Variants in PRDM11 observed in about 807,000 individuals in gnomAD.
The protein encoded by PRDM11 is PR domain-containing protein 11.
PRDM11 carries 20 observed loss-of-function variants against 97.8 expected under a neutral mutation model. The observed-to-expected ratio is 0.20, with a 90% CI of 0.14 to 0.30. PRDM11 has a LOEUF of 0.30. PRDM11 is among the 10% of genes least tolerant of loss of function. The pLI, the probability that PRDM11 is intolerant of heterozygous loss-of-function variation, is 1.00. For missense variants in PRDM11, 1,139 were observed against 1,555.2 expected (o/e 0.73, Z 4.50); for synonymous variants, 599 against 637.7 (o/e 0.94, Z 0.91).
Position 45,227,933 on chromosome 11 carries a change from G to C in PRDM11, c.3308G>C (p.Arg1103Pro). The stretch of plus-strand genomic sequence containing the variant: ...CTCCAGCGAGTTCGCAAAAACCACC[G>C]CTCCCGCCTGACCCTGGAGCAGCTT... Reference protein sequence around the residue: ...NALQRVRKNHRSRLTLEQLSD... With the variant: ...NALQRVRKNHPSRLTLEQLSD... The change falls in exon 8 of 8, where the codon CGC becomes CCC. Residue 1103 changes from arginine to proline, a missense_variant. Arg to Pro is a moderately radical substitution (Grantham distance 103). Transcript: ENST00000683152. This position sits in a 1 kb window ranked among gnomAD's most constrained non-coding sequence, Gnocchi z 8.0. 6.5e-7 allele frequency: 1 copy of C among 1,533,832 alleles called. No individual in the cohort carries two copies. The highest frequency in any genetic ancestry group is 1.4e-5 in the African/African-American group (1 of 73,048).
Position 45,146,862 on chromosome 11 carries a change from C to G in PRDM11, c.-22C>G, listed in dbSNP as rs1265011428. Reference sequence around the variant, plus strand: ...CGCCGCCCGGGCCCCGCGGCTGCCGCAGCATTCCCGGGAAGGTGAGTCAGC... The same window carrying G: ...CGCCGCCCGGGCCCCGCGGCTGCCGGAGCATTCCCGGGAAGGTGAGTCAGC... On this transcript the variant is annotated 5_prime_UTR_variant, in exon 1 of 8. Transcript: ENST00000683152. 7 of 144,656 alleles carry G rather than the reference C, an allele frequency of 4.8e-5. No homozygotes were observed. The South Asian group carries it at 1.4e-3, about 29-fold the overall frequency. 9.0% of individuals were successfully genotyped at this position (144,656 alleles called of 1,614,324 possible). A position where few individuals can be genotyped will look rare whatever the true frequency, so the allele number is the denominator to read the frequency against.
intron 1 of PRDM11, among the ~76,000 whole-genome samples, chr11:45,138,813 A>C (rs1378970126): frequency 1.3e-5 from 2 of 152,220 alleles, no homozygotes; most frequent in Non-Finnish European, 2.9e-5. Context: ...GGCCTTTCTA[A>C]CTATGTTCAC....
At chr11:45,140,475 T>C (rs1852981472) in intron 1 of PRDM11, among the ~76,000 whole-genome samples, 1 of 152,194 alleles carries the variant, frequency 6.6e-6, no homozygotes. Flanking sequence ...AATATTCCCC[T>C]ATGGTGGGAC....
chr11:45,147,479 C>T (rs1851549949), intron 1 of PRDM11: 1 of 152,244 alleles, frequency 6.6e-6, no homozygotes, highest in Admixed American at 6.5e-5. Context: ...GTGGCCGAGC[C>T]GGAGGGCATT....
intron 5 of PRDM11, chr11:45,208,867 A>C (rs1414007864): frequency 2.3e-6 from 1 of 432,824 alleles, no homozygotes; most frequent in East Asian, 7.1e-5. Context: ...GGGATATTCA[A>C]CCCAAGGAAT....
chr11:45,099,875 G>A (rs944780522), intron 1 of PRDM11, among the ~76,000 whole-genome samples: 4 of 152,172 alleles, frequency 2.6e-5, no homozygotes, highest in Non-Finnish European at 5.9e-5. Flanking sequence ...TCTTCAGCCT[G>A]TCTCAGGACC....
upstream of PRDM11, among the ~76,000 whole-genome samples, chr11:45,094,388 G>GTGC: frequency 6.6e-6 from 1 of 151,906 alleles, no homozygotes; most frequent in African/African-American, 2.4e-5. Context: ...CCTCTGCCCA[G>GTGC]TGCTGCCCCA....
intron 5 of PRDM11, among the ~76,000 whole-genome samples, chr11:45,218,936 C>G (rs1233079346): frequency 6.6e-6 from 1 of 152,262 alleles, no homozygotes. Flanking sequence ...CTTGGCCTCT[C>G]TGAGCCTCAG....
intron 4 of PRDM11, among the ~76,000 whole-genome samples, chr11:45,183,786 A>G (rs1198184566): frequency 6.6e-6 from 1 of 152,178 alleles, no homozygotes; most frequent in African/African-American, 2.4e-5. Flanking sequence ...TAATAGAGAA[A>G]AGCATTCTAG....
intron 1 of PRDM11, among the ~76,000 whole-genome samples, chr11:45,116,199 A>G (rs546531923): frequency 1.3e-5 from 2 of 152,306 alleles, no homozygotes; most frequent in African/African-American, 2.4e-5. Context: ...ATGTTTGGAG[A>G]CACTACAACC....
intron 4 of PRDM11, among the ~76,000 whole-genome samples, chr11:45,203,012 T>G (rs1164876144): frequency 1.3e-5 from 2 of 152,088 alleles, no homozygotes; most frequent in African/African-American, 4.8e-5. Flanking sequence ...AAATATGAGT[T>G]TTATTGTAAG....
chr11:45,130,300 T>A (rs1466977310), intron 1 of PRDM11, among the ~76,000 whole-genome samples: 1 of 152,090 alleles, frequency 6.6e-6, no homozygotes, highest in Non-Finnish European at 1.5e-5. Context: ...TTAAAAGACA[T>A]CAGGAGCGTG....
intron 4 of PRDM11, among the ~76,000 whole-genome samples, chr11:45,187,063 C>T (rs909132385): frequency 2.6e-5 from 4 of 152,108 alleles, no homozygotes; most frequent in Admixed American, 6.5e-5. Context: ...AACAGGGCTG[C>T]GTGAGGTTTG....
intron 1 of PRDM11, among the ~76,000 whole-genome samples, chr11:45,131,745 T>A (rs1048428418): frequency 6.6e-6 from 1 of 152,184 alleles, no homozygotes; most frequent in Non-Finnish European, 1.5e-5. Flanking sequence ...AGCAATATGA[T>A]CCTATTTGCA....
At chr11:45,155,483 G>A (rs1341378550) in intron 1 of PRDM11, among the ~76,000 whole-genome samples, 1 of 152,172 alleles carries the variant, frequency 6.6e-6, no homozygotes, top group East Asian at 1.9e-4. Context: ...GCTGGGGCTT[G>A]TCCCTGACCT....
intron 1 of PRDM11, among the ~76,000 whole-genome samples, chr11:45,174,839 C>T (rs1852289622): frequency 6.6e-6 from 1 of 152,218 alleles, no homozygotes; most frequent in South Asian, 2.1e-4. Context: ...AATATATCCT[C>T]CCAGACCCAT....
At chr11:45,180,358 G>T (rs1852440043) in intron 1 of PRDM11, among the ~76,000 whole-genome samples, 1 of 152,158 alleles carries the variant, frequency 6.6e-6, no homozygotes, top group Non-Finnish European at 1.5e-5. Context: ...CGCACGGGTG[G>T]CAGCGCAGGC....
rs1276707750 is a variant in PRDM11, at chr11:45,226,149, G to T, written c.1524G>T (p.Lys508Asn). 1.3e-6 allele frequency: 2 copies of T among 1,533,302 alleles called. No individual in the cohort carries two copies. The highest frequency in any genetic ancestry group is 2.4e-5 in the East Asian group (1 of 40,888). The allele number at this position is 1,533,302 out of a possible 1,614,324, so 95.0% of individuals were successfully genotyped here. A position where few individuals can be genotyped will look rare whatever the true frequency, so the allele number is the denominator to read the frequency against. ...CCGGGCGCCGAATCCGGCGCTTTAA[G>T]CAGGAATGGCTGAAGAAGTTCTGGT... ...SATGRRIRRF[K>N]QEWLKKFWFL... The change falls in exon 8 of 8, where the codon AAG becomes AAT. Residue 508 changes from lysine (K) to asparagine (N), a missense_variant. Lys to Asn is a moderately conservative substitution (Grantham distance 94). Coordinates refer to ENST00000683152, the MANE Select transcript of PRDM11 (RefSeq NM_001384648.1).
chr11:45,228,265 T>TTATATTATA lies in PRDM11; in HGVS notation c.*111_*112insTATATATAT, dbSNP rs1554976394. ...ATATATTATATTATATTATATTATA[T>TTATATTATA]TATATATATATATATATATAAACTC... On this transcript the variant is annotated 3_prime_UTR_variant, in exon 8 of 8. Transcript: ENST00000683152. The TTATATTATA allele has an allele frequency of 9.0e-4, 107 of 119,544 alleles. No homozygotes were observed. Among genetic ancestry groups the TTATATTATA allele is most frequent in the Admixed American group, 4.0e-3 (39 of 9,756 alleles). The allele number at this position is 119,544 out of a possible 1,614,324, so 7.4% of individuals were successfully genotyped here.
Sources: gnomAD v4.1 joint callset for allele counts (sites outside exome capture counted in the v4.1 genomes callset) on GRCh38, gnomAD v4.1.1 for gene constraint, Gnocchi (gnomAD v3.1) non-coding constraint, MANE v1.5 for transcripts, NCBI Gene and HGNC (gene_info 2026-07-23, HGNC 2026-07-21) for gene names.